The following MAP3K13 variants were observed in gnomAD, a reference collection of about 807,000 sequenced individuals.
The protein encoded by MAP3K13 is mitogen-activated protein kinase kinase kinase 13.
Under a neutral mutation model 104.0 loss-of-function variants are expected in MAP3K13, and 52 were observed. The ratio of observed to expected loss-of-function variants is 0.50; its 90% CI spans 0.40 to 0.63. The LOEUF (loss-of-function observed/expected upper bound fraction) is 0.63, where lower values mean the gene tolerates loss of function less well. Ranked by LOEUF, MAP3K13 falls within the 20% of genes least tolerant of loss-of-function variation. The pLI, the probability that MAP3K13 is intolerant of heterozygous loss-of-function variation, is 0.00. For missense variants in MAP3K13, 914 were observed against 1,218.5 expected, an observed-to-expected ratio of 0.75 and a Z score of 3.72; for synonymous variants, 394 against 442.2, an observed-to-expected ratio of 0.89 and a Z score of 1.37.
At position 185,486,930 on chromosome 3, in the gene MAP3K13, A is replaced by G. The variant is rs1718743504; in HGVS notation, c.*4474A>G. 6.6e-6 allele frequency: 1 copy of G among 152,234 alleles called. No homozygotes were observed. The highest frequency in any genetic ancestry group is 2.4e-5 in the African/African-American group (1 of 41,464). 9.4% of individuals were successfully genotyped at this position (152,234 alleles called of 1,614,324 possible). On this transcript the variant is annotated 3_prime_UTR_variant, in exon 14 of 14. Coordinates refer to ENST00000265026, the MANE Select transcript of MAP3K13 (RefSeq NM_004721.5). ...GGAGCTCCTACTGAGAAAGATGAAGATGCTAGCTCTATTGTAAACTGGCGT... is the reference window on the plus strand; with the variant it reads ...GGAGCTCCTACTGAGAAAGATGAAGGTGCTAGCTCTATTGTAAACTGGCGT...
chr3:185,438,608 G>C (rs1167503415), intron 3 of MAP3K13, among the ~76,000 whole-genome samples: 2 of 152,160 alleles, frequency 1.3e-5, no homozygotes, highest in Admixed American at 1.3e-4. Context: ...TATTTTTCTA[G>C]CCTAGATGAT....
chr3:185,455,188 TGA>T (rs1242610687), intron 7 of MAP3K13, among the ~76,000 whole-genome samples: 1 of 97,718 alleles, frequency 1.0e-5, no homozygotes, highest in Non-Finnish European at 2.0e-5. Flanking sequence ...ATGATATATA[TGA>T]GATATATATA....
At chr3:185,354,608 T>G (rs1408171098) in intron 2 of MAP3K13, among the ~76,000 whole-genome samples, 15 of 146,322 alleles carry the variant, frequency 1.0e-4, no homozygotes, top group African/African-American at 3.4e-4. Flanking sequence ...GTTATAAGTA[T>G]GGGGGGGGGG....
intron 2 of MAP3K13, among the ~76,000 whole-genome samples, chr3:185,333,734 A>T (rs963654114): frequency 2.0e-5 from 3 of 152,168 alleles, no homozygotes; most frequent in Non-Finnish European, 4.4e-5. Flanking sequence ...TATCCATTTA[A>T]AAAAATTAAA....
intron 7 of MAP3K13, among the ~76,000 whole-genome samples, chr3:185,456,996 T>C (rs1278140977): frequency 2.0e-5 from 3 of 152,190 alleles, no homozygotes; most frequent in South Asian, 4.1e-4. Context: ...AGACGGTCAA[T>C]ATAAGTTTAC....
chr3:185,305,853 A>G (rs540151529), intron 2 of MAP3K13, among the ~76,000 whole-genome samples: 9 of 152,076 alleles, frequency 5.9e-5, no homozygotes, highest in Non-Finnish European at 1.0e-4. Flanking sequence ...ATGGTTTGGG[A>G]TACAGTTGAT....
chr3:185,351,570 A>G (rs1560060577), intron 2 of MAP3K13, among the ~76,000 whole-genome samples: 1 of 152,226 alleles, frequency 6.6e-6, no homozygotes, highest in Admixed American at 6.5e-5. Context: ...TTCCAAGACT[A>G]TGGACAAATC....
At chr3:185,286,182 C>T (rs1248529920) in intron 2 of MAP3K13, among the ~76,000 whole-genome samples, 2 of 151,704 alleles carry the variant, frequency 1.3e-5, no homozygotes, top group Non-Finnish European at 2.9e-5. Context: ...GTGGTTGATT[C>T]TCCAGGCCTT....
At position 185,485,339 on chromosome 3, in the gene MAP3K13, A is replaced by G. The variant is rs943697744; in HGVS notation, c.*2883A>G. On this transcript the variant is annotated 3_prime_UTR_variant, in exon 14 of 14. Transcript: ENST00000265026. ...GGAGAGTAGCAGGGAGACTAAAAAA[A>G]GAAATGGTATACAGTAGTCCCCTCT... 2.6e-5 allele frequency: 4 copies of G among 152,348 alleles called. No homozygotes were observed. The highest frequency in any genetic ancestry group is 4.8e-5 in the African/African-American group (2 of 41,588). The allele number at this position is 152,348 out of a possible 1,614,324, so 9.4% of individuals were successfully genotyped here.
chr3:185,318,096 A>T (rs535285509), intron 2 of MAP3K13, among the ~76,000 whole-genome samples: 1 of 152,258 alleles, frequency 6.6e-6, no homozygotes, highest in South Asian at 2.1e-4. Context: ...AATATTTCAA[A>T]TCACAAATAA....
chr3:185,455,059 G>C (rs1461044538), intron 7 of MAP3K13, among the ~76,000 whole-genome samples: 1 of 92,332 alleles, frequency 1.1e-5, no homozygotes, highest in Non-Finnish European at 2.1e-5. Flanking sequence ...AGATATATGT[G>C]AGATATATAT....
At chr3:185,463,515 T>A (rs1717232665) in intron 7 of MAP3K13, 35 bp from the exon 8 acceptor site, 3 of 1,301,094 alleles carry the variant, frequency 2.3e-6, no homozygotes, top group African/African-American at 2.9e-5. Flanking sequence ...TTGAAACTCC[T>A]GGAATTTATC....
intron 1 of MAP3K13, among the ~76,000 whole-genome samples, chr3:185,419,794 T>G (rs1714015518): frequency 6.6e-6 from 1 of 152,178 alleles, no homozygotes; most frequent in African/African-American, 2.4e-5. Flanking sequence ...ATGATATGAT[T>G]TATGGATAAA....
Position 185,343,099 on chromosome 3 carries a change from G to A in MAP3K13, c.-86+57456G>A, listed in dbSNP as rs556123364. On this transcript the variant is annotated intron_variant, in intron 2 of 14. Coordinates refer to the MAP3K13 transcript ENST00000424227. ...GGCCACTAGCCTCCTTATAGCTAGC[G>A]AGGGAAGGAGAGACTCCAGACAAAT... Among the ~76,000 whole-genome samples the A allele has an allele frequency of 3.9e-5, 6 of 152,310 alleles. No homozygotes were observed. The East Asian group carries it at 5.8e-4, about 15-fold the overall frequency.
chr3:185,475,452 T>C (rs1044569289), intron 11 of MAP3K13, among the ~76,000 whole-genome samples: 1 of 152,166 alleles, frequency 6.6e-6, no homozygotes, highest in Non-Finnish European at 1.5e-5. Flanking sequence ...CAACTAGGCA[T>C]TGAGTAGAAA....
At position 185,473,442 on chromosome 3, in the gene MAP3K13, C is replaced by T; in HGVS notation, c.2111C>T (p.Ala704Val). The change falls in exon 11 of 14, where the codon GCT (alanine) becomes GTT (valine). Residue 704 changes from alanine to valine, a missense_variant. By Grantham distance (64) the Ala-to-Val change is moderately conservative (BLOSUM62 0). Coordinates refer to ENST00000265026, the MANE Select transcript of MAP3K13 (RefSeq NM_004721.5). This position sits in a 1 kb window ranked among gnomAD's most constrained non-coding sequence, Gnocchi z 4.9. Reference protein sequence around the residue: ...SSPDLISTAMAADCWRSSEPD... With the variant: ...SSPDLISTAMVADCWRSSEPD... ...CCTGACCTCATCTCCACAGCCATGG[C>T]TGCAGACTGCTGGAGAAGTTCTGAG... 1 of 1,614,218 alleles carries T rather than the reference C, an allele frequency of 6.2e-7. No homozygotes were observed. The highest frequency in any genetic ancestry group is 8.5e-7 in the Non-Finnish European group (1 of 1,180,032).
intron 1 of MAP3K13, among the ~76,000 whole-genome samples, chr3:185,384,099 T>C (rs2108761710): frequency 6.6e-6 from 1 of 152,296 alleles, no homozygotes; most frequent in East Asian, 1.9e-4. Context: ...TCATCCCCTC[T>C]TCTCCACTCT....
chr3:185,297,085 C>A (rs1440556965), intron 2 of MAP3K13, among the ~76,000 whole-genome samples: 3 of 152,128 alleles, frequency 2.0e-5, no homozygotes, highest in Non-Finnish European at 4.4e-5. Context: ...TTGAGTCTTA[C>A]ATAGAAACCC....
rs760908174 is a variant in MAP3K13, at chr3:185,466,849, A to G, written c.1529A>G (p.Lys510Arg). The change falls in exon 10 of 14, where the codon AAG (lysine) becomes AGG (arginine). Residue 510 changes from lysine (K) to arginine (R), a missense_variant. Lys to Arg is a conservative substitution (Grantham distance 26, BLOSUM62 2). Coordinates refer to ENST00000265026, the MANE Select transcript of MAP3K13 (RefSeq NM_004721.5). ...LIKREQAVEK[K>R]YPGTYKRHPV... Reference sequence around the variant, plus strand: ...AGGCGTGAGCAAGCAGTGGAAAAGAAGTATCCTGGGACCTACAAACGACAC... The same window carrying G: ...AGGCGTGAGCAAGCAGTGGAAAAGAGGTATCCTGGGACCTACAAACGACAC... 3.1e-6 allele frequency: 5 copies of G among 1,614,014 alleles called. No homozygotes were observed. In the South Asian group the frequency reaches 5.5e-5, roughly 18 times the overall value.
Sources: allele counts gnomAD v4.1 joint callset (sites outside exome capture counted in the v4.1 genomes callset), GRCh38; gene constraint gnomAD v4.1.1; non-coding constraint Gnocchi (gnomAD v3.1); transcripts MANE v1.5; gene names NCBI Gene and HGNC (gene_info 2026-07-23, HGNC 2026-07-21).